The following WDR73 variants were observed in gnomAD, a reference collection of about 807,000 sequenced individuals.
WDR73 encodes the protein WD repeat domain 73.
In WDR73, 30 loss-of-function variants were observed where a neutral mutation model predicts 38.2. The ratio of observed to expected loss-of-function variants is 0.79; its 90% CI spans 0.59 to 1.06. WDR73 has a LOEUF of 1.06. Among genes scored for constraint, WDR73 ranks in the 50% least tolerant of loss-of-function variants. The pLI is 0.00. For missense variants in WDR73, 487 were observed against 467.0 expected, an observed-to-expected ratio of 1.04 and a Z score of -0.40; for synonymous variants, 197 against 176.0, an observed-to-expected ratio of 1.12 and a Z score of -0.94.
intron 2 of WDR73, 120 bp from the exon 3 acceptor site, chr15:84,652,922 T>G (rs1896669401): frequency 1.7e-6 from 1 of 584,952 alleles, no homozygotes; most frequent in Admixed American, 3.6e-5. Flanking sequence ...ATTGAGTACC[T>G]GGTTGTGTCT....
At chr15:84,650,905 T>G (rs1207524170) in intron 3 of WDR73, among the ~76,000 whole-genome samples, 1 of 151,970 alleles carries the variant, frequency 6.6e-6, no homozygotes, top group Non-Finnish European at 1.5e-5. Flanking sequence ...GGAGGATTGC[T>G]TGAGCTCAGG....
chr15:84,653,489 A>G (rs1372979401), intron 2 of WDR73, 143 bp downstream of exon 2: 3 of 629,030 alleles, frequency 4.8e-6, no homozygotes, highest in Non-Finnish European at 8.7e-6. Context: ...AATAAGAGGA[A>G]TATTAGTGCT....
In WDR73 at chr15:84,641,382, C is replaced by G. The variant is rs1453513834; in HGVS notation, c.*2088G>C. ...CCAGGCACTCAGTGCACCCAGTTTA[C>G]TATTCTGTGGTGTGGAAAGCACAGG... On this transcript the variant is annotated 3_prime_UTR_variant, in exon 8 of 8. Transcript: ENST00000434634. 1 of 152,242 alleles carries G rather than the reference C, an allele frequency of 6.6e-6. No homozygotes were observed. The allele number at this position is 152,242 out of a possible 1,614,324, so 9.4% of individuals were successfully genotyped here.
chr15:84,653,337 T>C, intron 2 of WDR73: 1 of 318,942 alleles, frequency 3.1e-6, no homozygotes, highest in Non-Finnish European at 6.2e-6. Context: ...GTCCGGCTAA[T>C]TTTTGTATTT....
In WDR73 at chr15:84,645,823, A is replaced by T. The variant is rs1187479403; in HGVS notation, c.531T>A (p.Ser177Arg). ...KTTYTSDVSDSEELSSLQVLD... is the reference protein window; with the variant it reads ...KTTYTSDVSDREELSSLQVLD... ...GGACCTGCAGGCTACTCAGCTCCTC[A>T]CTGTCACTGACATCTGGAAGACCGA... Residue 177 changes from serine to arginine, a missense_variant, in exon 7 of 8, where the codon AGT becomes AGA. By Grantham distance (110) the Ser-to-Arg change is moderately radical (BLOSUM62 -1). Coordinates refer to ENST00000434634, the MANE Select transcript of WDR73 (RefSeq NM_032856.5). The T allele has an allele frequency of 1.1e-5, 17 of 1,613,764 alleles. No individual in the cohort carries two copies. Among genetic ancestry groups the T allele is most frequent in the Non-Finnish European group, 1.4e-5 (17 of 1,179,818 alleles).
intron 5 of WDR73, 138 bp from the exon 6 acceptor site, chr15:84,646,486 G>C: frequency 7.8e-7 from 1 of 1,277,224 alleles, no homozygotes. Flanking sequence ...ATGATGTTGA[G>C]ACATAACTAC....
intron 1 of WDR73, chr15:84,654,028 G>C (rs942149091): frequency 3.0e-6 from 2 of 667,576 alleles, no homozygotes; most frequent in Admixed American, 2.9e-5. Flanking sequence ...GCTCTTACTA[G>C]TAATCTCACA....
Position 84,645,584 on chromosome 15 carries a change from T to A in WDR73, c.770A>T (p.Asp257Val), listed in dbSNP as rs755163866. ...DGRLCLLDPR[D>V]LCHPVSSVQC... The stretch of plus-strand genomic sequence containing the variant: ...GACTGAGCTCACAGGATGGCAGAGA[T>A]CCCGGGGGTCAAGAAGACAAAGACG... Residue 257 changes from aspartate (D) to valine (V), a missense_variant, in exon 7 of 8, where the codon GAT (aspartate) becomes GTT (valine). Transcript: ENST00000434634. 1 of 1,611,232 alleles carries A rather than the reference T, an allele frequency of 6.2e-7. No individual in the cohort carries two copies.
At position 84,653,613 on chromosome 15, in the gene WDR73, G is replaced by A. The variant is rs1431105704; in HGVS notation, c.109+19C>T. The A allele has an allele frequency of 6.4e-7, 1 of 1,569,046 alleles. No homozygotes were observed. Among genetic ancestry groups the A allele is most frequent in the Non-Finnish European group, 8.7e-7 (1 of 1,153,916 alleles). On this transcript the variant is annotated intron_variant, in intron 2 of 7. Coordinates refer to ENST00000434634, the MANE Select transcript of WDR73 (RefSeq NM_032856.5). ...AGGAGTGAGATTCCCTCTCCTTCAG[G>A]GCTAGAAAGGTATACCACCTTTGTC...
chr15:84,654,252 AG>A lies in WDR73; in HGVS notation c.22del (p.Leu8TrpfsTer39), dbSNP rs749617405. On this transcript the variant is annotated frameshift_variant, in exon 1 of 8. Transcript: ENST00000434634. LOFTEE classifies it high-confidence loss of function. MDPGDDW[L>X]VESLRLYQDF... ...GATTTACAAGCGCAAGGATTCCACC[AG>A]CCAGTCGTCCCCAGGATCCATGGCA... The A allele has an allele frequency of 5.6e-6, 9 of 1,613,840 alleles. No individual in the cohort carries two copies. The highest frequency in any genetic ancestry group is 2.7e-5 in the African/African-American group (2 of 74,942).
chr15:84,650,992 G>A (rs1896606446), intron 3 of WDR73, among the ~76,000 whole-genome samples: 1 of 152,092 alleles, frequency 6.6e-6, no homozygotes, highest in African/African-American at 2.4e-5. Flanking sequence ...GCACATGCCT[G>A]TGGTCCCAAC....
chr15:84,646,017 A>G, intron 6 of WDR73, 167 bp downstream of exon 6: 1 of 1,542,242 alleles, frequency 6.5e-7, no homozygotes, highest in Non-Finnish European at 8.7e-7. Flanking sequence ...GGGACTGCCT[A>G]ATCCTGCCCC....
In WDR73 at chr15:84,640,325, C is replaced by A. The variant is rs1896219473; in HGVS notation, c.*3145G>T. On this transcript the variant is annotated 3_prime_UTR_variant, in exon 8 of 8. Coordinates refer to ENST00000434634, the MANE Select transcript of WDR73 (RefSeq NM_032856.5). ...TCATCGGGGGAAAAATTGGTGACAA[C>A]TTTAAGAAATACTGTTTATATCCCG... is the stretch of plus-strand genomic sequence containing the variant. The A allele has an allele frequency of 6.6e-6, 1 of 152,186 alleles. No homozygotes were observed. The allele number at this position is 152,186 out of a possible 1,614,324, so 9.4% of individuals were successfully genotyped here.
rs1338217703 is a variant in WDR73 at position 84,645,867 on chromosome 15, G to T, written c.518-31C>A. On this transcript the variant is annotated intron_variant, in intron 6 of 7. Coordinates refer to ENST00000434634, the MANE Select transcript of WDR73 (RefSeq NM_032856.5). ...AGACCGACAGCAAAGGAGACAAGCG[G>T]CTGGAGGCAGATGGGTCTGGCAATT... The T allele has an allele frequency of 2.5e-6, 4 of 1,612,698 alleles. No homozygotes were observed. The African/African-American group carries it at 5.3e-5, about 22-fold the overall frequency.
Position 84,648,637 on chromosome 15 carries a change from A to ATTT in WDR73, c.199-13_199-12insAAA, listed in dbSNP as rs1896535766. The ATTT allele has an allele frequency of 3.7e-6, 6 of 1,600,274 alleles. No homozygotes were observed. The highest frequency in any genetic ancestry group is 5.1e-6 in the Non-Finnish European group (6 of 1,167,510). ...TCTGGGAATAAGCCCTAAAATACAAAGGAGTAGCCAATCAGAGCCAGCTCT... is the reference window on the plus strand; with the variant it reads ...TCTGGGAATAAGCCCTAAAATACAAATTTGGAGTAGCCAATCAGAGCCAGCTCT... On this transcript the variant is annotated splice_polypyrimidine_tract_variant and intron_variant, in intron 3 of 7. Coordinates refer to ENST00000434634, the MANE Select transcript of WDR73 (RefSeq NM_032856.5).
rs568898540 is a variant in WDR73, at chr15:84,642,615, T to C, written c.*855A>G. ...TTGAATAGCTGGGACTGCAGGCTCA[T>C]ACCACCACAACCAGCTAACTTGTAT... On this transcript the variant is annotated 3_prime_UTR_variant, in exon 8 of 8. Coordinates refer to ENST00000434634, the MANE Select transcript of WDR73 (RefSeq NM_032856.5). 1 of 151,948 alleles carries C rather than the reference T, an allele frequency of 6.6e-6. No homozygotes were observed. Among genetic ancestry groups the C allele is most frequent in the Admixed American group, 6.6e-5 (1 of 15,240 alleles). 9.4% of individuals were successfully genotyped at this position (151,948 alleles called of 1,614,324 possible). A position where few individuals can be genotyped will look rare whatever the true frequency, so the allele number is the denominator to read the frequency against.
intron 3 of WDR73, 82 bp downstream of exon 3, chr15:84,652,632 T>C (rs1896659390): frequency 2.4e-6 from 2 of 833,250 alleles, no homozygotes; most frequent in Non-Finnish European, 3.7e-6. Context: ...TCCAGGACAA[T>C]ACCTGGTAGA....
Position 84,648,505 on chromosome 15 carries a change from T to C in WDR73, c.287+32A>G, listed in dbSNP as rs1315558848. The C allele has an allele frequency of 2.0e-6, 3 of 1,499,586 alleles. No individual in the cohort carries two copies. In the African/African-American group the frequency reaches 4.1e-5, roughly 21 times the overall value. 92.9% of individuals were successfully genotyped at this position (1,499,586 alleles called of 1,614,324 possible). A position where few individuals can be genotyped will look rare whatever the true frequency, so the allele number is the denominator to read the frequency against. Reference sequence around the variant, plus strand: ...TTTGCAGCCATCCCATCCCATCCTGTGTGGATGGCTGGATCACAAAATTGA... The same window carrying C: ...TTTGCAGCCATCCCATCCCATCCTGCGTGGATGGCTGGATCACAAAATTGA... On this transcript the variant is annotated intron_variant, in intron 4 of 7. Coordinates refer to ENST00000434634, the MANE Select transcript of WDR73 (RefSeq NM_032856.5).
In WDR73 at chr15:84,654,252, A is replaced by C; in HGVS notation, c.23T>G (p.Leu8Arg). The C allele has an allele frequency of 6.2e-7, 1 of 1,613,958 alleles. No individual in the cohort carries two copies. Among genetic ancestry groups the C allele is most frequent in the Non-Finnish European group, 8.5e-7 (1 of 1,179,830 alleles). ...GATTTACAAGCGCAAGGATTCCACCAGCCAGTCGTCCCCAGGATCCATGGC... is the reference window on the plus strand; with the variant it reads ...GATTTACAAGCGCAAGGATTCCACCCGCCAGTCGTCCCCAGGATCCATGGC... MDPGDDW[L>R]VESLRLYQDF... The change falls in exon 1 of 8, where the codon CTG (leucine) becomes CGG (arginine). Residue 8 changes from leucine to arginine, a missense_variant. Transcript: ENST00000434634.
Sources: gnomAD v4.1 joint callset for allele counts (sites outside exome capture counted in the v4.1 genomes callset) on GRCh38, gnomAD v4.1.1 for gene constraint, MANE v1.5 for transcripts, NCBI Gene and HGNC (gene_info 2026-07-23, HGNC 2026-07-21) for gene names.